The following MYO1B variants were observed in gnomAD, a reference collection of about 807,000 sequenced individuals.
MYO1B encodes the protein myosin IB.
Under a neutral mutation model 159.7 loss-of-function variants are expected in MYO1B, and 72 were observed. The observed-to-expected ratio is 0.45, with a 90% confidence interval of 0.37 to 0.55. The LOEUF is 0.55. Ranked by LOEUF, MYO1B falls within the 20% of genes least tolerant of loss-of-function variation. The pLI is 0.00. For synonymous variants in MYO1B, 468 were observed against 473.8 expected, an observed-to-expected ratio of 0.99 and a Z score of 0.16; for missense variants, 1,062 against 1,364.8, an observed-to-expected ratio of 0.78 and a Z score of 3.50.
chr2:191,376,977 T>C (rs927792465), intron 13 of MYO1B, among the ~76,000 whole-genome samples: 7 of 152,196 alleles, frequency 4.6e-5, no homozygotes, highest in Non-Finnish European at 7.4e-5. Flanking sequence ...TTGATACTTG[T>C]GAGTATAAAG....
At chr2:191,344,224 G>A (rs186896125) in intron 5 of MYO1B, among the ~76,000 whole-genome samples, 2 of 152,280 alleles carry the variant, frequency 1.3e-5, no homozygotes, top group Admixed American at 1.3e-4. Flanking sequence ...CACAAGAAAT[G>A]TCATCGTCTT....
At chr2:191,411,197 A>G in intron 27 of MYO1B, 25 bp downstream of exon 27, 2 of 1,433,296 alleles carry the variant, frequency 1.4e-6, no homozygotes, top group Non-Finnish European at 9.6e-7. Flanking sequence ...CTTTACCCAT[A>G]AAATTCAGGA....
chr2:191,406,954 G>A (rs1696954329), intron 24 of MYO1B, among the ~76,000 whole-genome samples: 1 of 152,214 alleles, frequency 6.6e-6, no homozygotes, highest in African/African-American at 2.4e-5. Flanking sequence ...AGAGGGACCA[G>A]GTTGGTCGTA....
Position 191,277,543 on chromosome 2 carries a change from A to C in MYO1B, c.135+513A>C, listed in dbSNP as rs188952609. On this transcript the variant is annotated intron_variant, in intron 2 of 30. Coordinates refer to ENST00000392318, the MANE Select transcript of MYO1B (RefSeq NM_001130158.3). The stretch of plus-strand genomic sequence containing the variant: ...TCCTACTGTACAAAAGTCTAATGCC[A>C]TATACATAAACAGAAGCATAAATAT... 1.6e-3 allele frequency among the ~76,000 whole-genome samples: 239 copies of C among 152,376 alleles called. 1 individual carries two copies. Among genetic ancestry groups the C allele is most frequent in the African/African-American group, 5.6e-3 (233 of 41,588 alleles).
intron 16 of MYO1B, among the ~76,000 whole-genome samples, chr2:191,386,842 G>A (rs1308068294): frequency 6.6e-6 from 1 of 152,100 alleles, no homozygotes; most frequent in East Asian, 1.9e-4. Context: ...GAAAGTGTTA[G>A]TATTGTTTCT....
intron 28 of MYO1B, 39 bp downstream of exon 28, chr2:191,414,219 AT>A (rs1697423508): frequency 6.3e-7 from 1 of 1,576,398 alleles, no homozygotes; most frequent in Admixed American, 1.9e-5. Flanking sequence ...AGAAGTACCT[AT>A]TAGTTGGGAT....
intron 30 of MYO1B, among the ~76,000 whole-genome samples, chr2:191,416,888 T>C (rs1424816291): frequency 6.6e-6 from 1 of 152,184 alleles, no homozygotes; most frequent in Admixed American, 6.5e-5. Context: ...GAAATTTGCT[T>C]CTTCAATTTC....
chr2:191,399,085 A>C (rs1454051333), intron 21 of MYO1B, among the ~76,000 whole-genome samples: 1 of 152,154 alleles, frequency 6.6e-6, no homozygotes, highest in African/African-American at 2.4e-5. Flanking sequence ...CCAACACAGC[A>C]AAACCCCGTC....
chr2:191,356,420 G>A (rs1354655251), intron 7 of MYO1B, among the ~76,000 whole-genome samples: 1 of 145,406 alleles, frequency 6.9e-6, no homozygotes, highest in Non-Finnish European at 1.5e-5. Context: ...CATTGGTTGT[G>A]AAGTATCTGT....
Position 191,321,156 on chromosome 2 carries a change from G to A in MYO1B, c.252-8779G>A, listed in dbSNP as rs556532393. Among the ~76,000 whole-genome samples, 5 of 152,250 alleles carry A rather than the reference G, an allele frequency of 3.3e-5. No homozygotes were observed. The South Asian group carries it at 8.3e-4, about 25-fold the overall frequency. Reference sequence around the variant, plus strand: ...AAGTTAAAGAAAAAGTGGCATATGAGGTGCTGCTTTTTAAGGCTTTAAATC... The same window carrying A: ...AAGTTAAAGAAAAAGTGGCATATGAAGTGCTGCTTTTTAAGGCTTTAAATC... On this transcript the variant is annotated intron_variant, in intron 3 of 30. Coordinates refer to ENST00000392318, the MANE Select transcript of MYO1B (RefSeq NM_001130158.3).
chr2:191,255,345 G>A (rs1045610390), intron 1 of MYO1B, among the ~76,000 whole-genome samples: 8 of 152,190 alleles, frequency 5.3e-5, no homozygotes, highest in Admixed American at 2.0e-4. Flanking sequence ...GATTAGCATC[G>A]ATACTGTGAA....
chr2:191,335,036 A>G (rs1315552047), intron 4 of MYO1B, among the ~76,000 whole-genome samples: 1 of 152,130 alleles, frequency 6.6e-6, no homozygotes, highest in Non-Finnish European at 1.5e-5. Context: ...CCTAGAAGTC[A>G]CTCAAAGCAT....
chr2:191,387,267 T>A lies in MYO1B; in HGVS notation c.1598T>A (p.Leu533His). ...VEGFVDKNNDLLYRDLSQAMW... is the reference protein window; with the variant it reads ...VEGFVDKNNDHLYRDLSQAMW... ...GGATTCGTTGACAAAAACAATGACCTTCTCTATCGAGACCTGTCCCAAGCC... is the reference window on the plus strand; with the variant it reads ...GGATTCGTTGACAAAAACAATGACCATCTCTATCGAGACCTGTCCCAAGCC... The change falls in exon 17 of 31, where the codon CTT (leucine) becomes CAT (histidine). Residue 533 changes from leucine (L) to histidine (H), a missense_variant. Transcript: ENST00000392318. 6.2e-7 allele frequency: 1 copy of A among 1,614,198 alleles called. No individual in the cohort carries two copies. The highest frequency in any genetic ancestry group is 8.5e-7 in the Non-Finnish European group (1 of 1,180,034).
At chr2:191,298,997 G>A (rs1689149023) in intron 3 of MYO1B, among the ~76,000 whole-genome samples, 1 of 152,112 alleles carries the variant, frequency 6.6e-6, no homozygotes, top group Non-Finnish European at 1.5e-5. Flanking sequence ...GGATAATCTT[G>A]ACTGTGCCTC....
At position 191,269,565 on chromosome 2, in the gene MYO1B, G is replaced by T. The variant is rs116383395; in HGVS notation, c.-9-7322G>T. ...GGGAGTCTGTGTTTAATTTGTTGGA[G>T]GCTCTGCTAAAGAATCATAATGCTG... On this transcript the variant is annotated intron_variant, in intron 1 of 30. Coordinates refer to ENST00000392318, the MANE Select transcript of MYO1B (RefSeq NM_001130158.3). Among the ~76,000 whole-genome samples, 1,086 of 152,262 alleles carry T rather than the reference G, an allele frequency of 7.1e-3. 12 individuals are homozygous for T. The highest frequency in any genetic ancestry group is 0.025 in the African/African-American group (1,033 of 41,544).
intron 17 of MYO1B, among the ~76,000 whole-genome samples, chr2:191,390,055 A>G (rs980058730): frequency 6.6e-6 from 1 of 152,230 alleles, no homozygotes. Flanking sequence ...AGTGATACTT[A>G]TCCACATTAT....
At chr2:191,298,621 C>T (rs1689122981) in intron 3 of MYO1B, among the ~76,000 whole-genome samples, 1 of 152,054 alleles carries the variant, frequency 6.6e-6, no homozygotes, top group Non-Finnish European at 1.5e-5. Flanking sequence ...TTTTTCTTTC[C>T]TTTCTTAACT....
chr2:191,350,077 G>A, intron 6 of MYO1B, 85 bp from the exon 7 acceptor site: 4 of 1,038,470 alleles, frequency 3.9e-6, no homozygotes, highest in South Asian at 1.4e-5. Context: ...ATAAAAATAA[G>A]GGCTTAGTCT....
intron 5 of MYO1B, among the ~76,000 whole-genome samples, chr2:191,342,795 C>T (rs959045517): frequency 2.6e-5 from 4 of 151,974 alleles, no homozygotes; most frequent in African/African-American, 9.7e-5. Context: ...TGCAGTGAGC[C>T]AAGGTCACAC....
Sources: gnomAD v4.1 joint callset for allele counts (sites outside exome capture counted in the v4.1 genomes callset) on GRCh38, gnomAD v4.1.1 for gene constraint, MANE v1.5 for transcripts, NCBI Gene and HGNC (gene_info 2026-07-23, HGNC 2026-07-21) for gene names.